The following TACR1 variants were observed in gnomAD, a reference collection of about 807,000 sequenced individuals.
TACR1 encodes substance-P receptor.
TACR1 carries 25 observed loss-of-function variants against 35.8 expected under a neutral mutation model. The ratio of observed to expected loss-of-function variants is 0.70; its 90% confidence interval spans 0.51 to 0.98. The LOEUF (loss-of-function observed/expected upper bound fraction) is 0.98, where lower values mean the gene tolerates loss of function less well. Ranked by LOEUF, TACR1 falls within the 50% of genes least tolerant of loss-of-function variation. TACR1 has a pLI of 0.00. For synonymous variants in TACR1, 195 were observed against 206.7 expected, an observed-to-expected ratio of 0.94 and a Z score of 0.48; for missense variants, 478 against 522.9, an observed-to-expected ratio of 0.91 and a Z score of 0.84.
chr2:75,191,433 T>C (rs1572993141), intron 1 of TACR1, among the ~76,000 whole-genome samples: 1 of 152,074 alleles, frequency 6.6e-6, no homozygotes, highest in East Asian at 1.9e-4. Context: ...AGGAGGTGCT[T>C]ATCATTTTCA....
chr2:75,078,617 C>T (rs1673023281), intron 2 of TACR1, among the ~76,000 whole-genome samples: 2 of 152,172 alleles, frequency 1.3e-5, no homozygotes, highest in Admixed American at 1.3e-4. Context: ...GAACCTACTC[C>T]AGTCACATCA....
At chr2:75,174,462 G>A (rs72920666) in intron 1 of TACR1, among the ~76,000 whole-genome samples, 3,252 of 151,282 alleles carry the variant, frequency 0.021, 118 homozygotes, top group African/African-American at 0.074. Flanking sequence ...GATGATTTAC[G>A]TCCTGGGTGG....
chr2:75,083,508 A>G (rs1445778393), intron 2 of TACR1, among the ~76,000 whole-genome samples: 5 of 152,108 alleles, frequency 3.3e-5, no homozygotes, highest in Non-Finnish European at 7.3e-5. Context: ...TCTATAAATT[A>G]CCTTGGGCAG....
At chr2:75,112,183 T>C (rs772995242) in intron 2 of TACR1, among the ~76,000 whole-genome samples, 18 of 152,148 alleles carry the variant, frequency 1.2e-4, no homozygotes, top group Non-Finnish European at 2.1e-4. Flanking sequence ...AGTTTTTGTG[T>C]GTGCATGTGT....
At chr2:75,175,650 C>G (rs1485125531) in intron 1 of TACR1, among the ~76,000 whole-genome samples, 2 of 152,144 alleles carry the variant, frequency 1.3e-5, no homozygotes, top group African/African-American at 4.8e-5. Flanking sequence ...TTTGATCCTC[C>G]TCCTTCCCAC....
At chr2:75,151,319 A>G (rs563354429) in intron 1 of TACR1, among the ~76,000 whole-genome samples, 7 of 152,274 alleles carry the variant, frequency 4.6e-5, no homozygotes, top group Non-Finnish European at 7.4e-5. Flanking sequence ...AGAGGCCCAG[A>G]AGGAAAAAGT....
intron 2 of TACR1, among the ~76,000 whole-genome samples, chr2:75,089,084 A>G (rs1331156864): frequency 3.3e-5 from 5 of 152,170 alleles, no homozygotes; most frequent in Non-Finnish European, 7.3e-5. Context: ...TAACTTCACC[A>G]TATGTGCTGC....
rs576198435 is a variant in TACR1, at chr2:75,114,961, C to T, written c.584+5613G>A. On this transcript the variant is annotated intron_variant, in intron 2 of 4. Transcript: ENST00000305249. ...AATGGCAGATAAAACTGAGCCAGTT[C>T]CCCCAGGGATCTAGGAATATAGCTA... Among the ~76,000 whole-genome samples the T allele has an allele frequency of 1.1e-3, 166 of 152,186 alleles. 1 individual carries two copies. Among genetic ancestry groups the T allele is most frequent in the Non-Finnish European group, 4.1e-4 (28 of 68,010 alleles).
intron 1 of TACR1, among the ~76,000 whole-genome samples, chr2:75,165,592 G>GCC (rs55709249): frequency 0.099 from 15,019 of 152,172 alleles, 831 homozygotes; most frequent in East Asian, 0.18. Flanking sequence ...ACAGGCGGGA[G>GCC]CCACTGCGCC....
intron 1 of TACR1, among the ~76,000 whole-genome samples, chr2:75,146,903 A>G (rs3771834): frequency 0.43 from 64,973 of 152,062 alleles, 14,769 homozygotes; most frequent in Non-Finnish European, 0.51. Flanking sequence ...GGCCTTGAAC[A>G]ATTTCCCCAT....
chr2:75,175,076 C>G (rs978411379), intron 1 of TACR1, among the ~76,000 whole-genome samples: 51 of 152,338 alleles, frequency 3.3e-4, no homozygotes, highest in African/African-American at 1.1e-3. Context: ...GACACTGTTT[C>G]TAGCTCACAA....
chr2:75,158,138 G>T (rs952171782), intron 1 of TACR1, among the ~76,000 whole-genome samples: 1 of 152,192 alleles, frequency 6.6e-6, no homozygotes, highest in African/African-American at 2.4e-5. Context: ...GACCCAACTG[G>T]GTCCTCCAAC....
At chr2:75,174,590 G>A (rs1041634095) in intron 1 of TACR1, among the ~76,000 whole-genome samples, 3 of 152,206 alleles carry the variant, frequency 2.0e-5, no homozygotes, top group Non-Finnish European at 2.9e-5. Flanking sequence ...CTGGTTGACC[G>A]TGGGTAACTG....
chr2:75,106,767 C>T (rs147946021), intron 2 of TACR1, among the ~76,000 whole-genome samples: 2,090 of 151,254 alleles, frequency 0.014, 20 homozygotes, highest in Non-Finnish European at 0.021. Context: ...ATTTATATAA[C>T]GAAATAAAAC....
chr2:75,190,848 G>T (rs1048548199), intron 1 of TACR1, among the ~76,000 whole-genome samples: 1 of 152,108 alleles, frequency 6.6e-6, no homozygotes, highest in Non-Finnish European at 1.5e-5. Context: ...TAAAGGGTGC[G>T]CTCATACAAA....
At chr2:75,050,952 A>G in intron 4 of TACR1, 1 of 417,096 alleles carries the variant, frequency 2.4e-6, no homozygotes, top group South Asian at 2.3e-5. Context: ...TGCATTAACC[A>G]CAGAAGTTTT....
At chr2:75,127,284 T>C (rs1047026766) in intron 1 of TACR1, among the ~76,000 whole-genome samples, 7 of 152,330 alleles carry the variant, frequency 4.6e-5, no homozygotes, top group African/African-American at 1.7e-4. Context: ...TCAGCTAAGC[T>C]CAAGCTCACA....
At chr2:75,118,084 A>G (rs1673898921) in intron 2 of TACR1, among the ~76,000 whole-genome samples, 1 of 152,206 alleles carries the variant, frequency 6.6e-6, no homozygotes, top group East Asian at 1.9e-4. Context: ...ATACTGCCTC[A>G]AAACAAGTTT....
At chr2:75,069,037 G>A (rs1217516832) in intron 2 of TACR1, among the ~76,000 whole-genome samples, 1 of 152,164 alleles carries the variant, frequency 6.6e-6, no homozygotes, top group Non-Finnish European at 1.5e-5. Flanking sequence ...TCATGGGGGT[G>A]AGTCTTTCCT....
Sources: gnomAD v4.1 joint callset for allele counts (sites outside exome capture counted in the v4.1 genomes callset) on GRCh38, gnomAD v4.1.1 for gene constraint, MANE v1.5 for transcripts, NCBI Gene and HGNC (gene_info 2026-07-23, HGNC 2026-07-21) for gene names.